Variants in MAP3K1 observed in about 807,000 individuals in gnomAD.
The protein encoded by MAP3K1 is mitogen-activated protein kinase kinase kinase 1, also known as MAP/ERK kinase kinase 1.
MAP3K1 carries 36 observed loss-of-function variants against 144.2 expected under a neutral mutation model. The observed-to-expected ratio is 0.25, with a 90% CI of 0.19 to 0.33. MAP3K1 has a LOEUF of 0.33. MAP3K1 is among the 10% of genes least tolerant of loss of function. MAP3K1 has a pLI of 1.00. For synonymous variants in MAP3K1, 718 were observed against 688.7 expected (o/e 1.04, Z -0.67); for missense variants, 1,650 against 1,881.9 (o/e 0.88, Z 2.28).
intron 18 of MAP3K1, 25 bp from the exon 19 acceptor site, chr5:56,888,201 C>T (rs994877413): frequency 2.5e-6 from 4 of 1,610,694 alleles, no homozygotes; most frequent in Middle Eastern, 1.7e-4. Context: ...AGTCCTATTT[C>T]CAAATTAACT....
Position 56,881,686 on chromosome 5 carries a change from C to G in MAP3K1, c.2486C>G (p.Thr829Arg), listed in dbSNP as rs1304106192. The G allele has an allele frequency of 6.2e-7, 1 of 1,613,986 alleles. No individual in the cohort carries two copies. The highest frequency in any genetic ancestry group is 1.7e-5 in the Admixed American group (1 of 60,010). Residue 829 changes from threonine (T) to arginine (R), a missense_variant, in exon 14 of 20, where the codon ACA becomes AGA. Transcript: ENST00000399503. ...TTGAGTTCTGCAAGAATGGTTACTA[C>G]AGTACCCCATGTGTTTTCAAAACTG... is the stretch of plus-strand genomic sequence containing the variant. ...IYLSSARMVT[T>R]VPHVFSKLLE...
intron 3 of MAP3K1, among the ~76,000 whole-genome samples, chr5:56,864,329 A>G (rs749805362): frequency 1.3e-5 from 2 of 151,774 alleles, no homozygotes; most frequent in Non-Finnish European, 2.9e-5. Flanking sequence ...TTTTCAGACT[A>G]TAATCTGCCA....
chr5:56,875,248 T>A lies in MAP3K1; in HGVS notation c.1903T>A (p.Cys635Ser), dbSNP rs2111921590. Residue 635 changes from cysteine (C) to serine (S), a missense_variant, in exon 10 of 20, where the codon TGC (cysteine) becomes AGC (serine). Transcript: ENST00000399503. Reference protein sequence around the residue: ...TSISGDVVEACCSVLSMVCAD... With the variant: ...TSISGDVVEASCSVLSMVCAD... ...TATCTCAGGAGATGTGGTGGAGGCATGCTGCAGCGTTCTGTCAATGGTCTG... is the reference window on the plus strand; with the variant it reads ...TATCTCAGGAGATGTGGTGGAGGCAAGCTGCAGCGTTCTGTCAATGGTCTG... 3 of 1,614,158 alleles carry A rather than the reference T, an allele frequency of 1.9e-6. No homozygotes were observed. Among genetic ancestry groups the A allele is most frequent in the Non-Finnish European group, 2.5e-6 (3 of 1,180,020 alleles).
chr5:56,834,240 C>G (rs1186899846), intron 1 of MAP3K1, among the ~76,000 whole-genome samples: 1 of 152,132 alleles, frequency 6.6e-6, no homozygotes, highest in Non-Finnish European at 1.5e-5. Context: ...ACATACTTTC[C>G]TATGTGTATG....
intron 6 of MAP3K1, among the ~76,000 whole-genome samples, chr5:56,867,897 C>A (rs1019854260): frequency 2.0e-5 from 3 of 152,106 alleles, no homozygotes; most frequent in African/African-American, 7.2e-5. Context: ...GCCCATGTTA[C>A]AAATGTCATG....
At chr5:56,854,306 G>A (rs374219541) in intron 1 of MAP3K1, among the ~76,000 whole-genome samples, 1 of 151,694 alleles carries the variant, frequency 6.6e-6, no homozygotes, top group South Asian at 2.1e-4. Context: ...GGTGGCACAT[G>A]CCTGTAATAC....
intron 1 of MAP3K1, among the ~76,000 whole-genome samples, chr5:56,839,735 A>G (rs1057289793): frequency 6.6e-6 from 1 of 152,120 alleles, no homozygotes; most frequent in African/African-American, 2.4e-5. Context: ...CGTTAGGTTC[A>G]TTGTCATGTC....
intron 16 of MAP3K1, among the ~76,000 whole-genome samples, chr5:56,885,229 T>G (rs748589336): frequency 2.0e-5 from 3 of 152,222 alleles, no homozygotes; most frequent in Non-Finnish European, 4.4e-5. Context: ...AGCATAAAGT[T>G]GAACCTTGTC....
intron 1 of MAP3K1, among the ~76,000 whole-genome samples, chr5:56,821,157 A>G (rs1210653664): frequency 6.6e-6 from 1 of 152,100 alleles, no homozygotes; most frequent in African/African-American, 2.4e-5. Context: ...GTCTTTATTT[A>G]CTCTATGGCA....
At chr5:56,862,323 C>T (rs1273644940) in intron 3 of MAP3K1, among the ~76,000 whole-genome samples, 3 of 152,194 alleles carry the variant, frequency 2.0e-5, no homozygotes, top group Admixed American at 2.0e-4. Flanking sequence ...ATTGTGTTTG[C>T]TAATGCCTTA....
At chr5:56,825,654 G>T (rs1214911905) in intron 1 of MAP3K1, among the ~76,000 whole-genome samples, 1 of 152,118 alleles carries the variant, frequency 6.6e-6, no homozygotes, top group Non-Finnish European at 1.5e-5. Flanking sequence ...CTCTTTAATT[G>T]CTGTGCTCTT....
intron 18 of MAP3K1, 66 bp from the exon 19 acceptor site, chr5:56,888,160 A>C: frequency 6.9e-7 from 1 of 1,446,760 alleles, no homozygotes; most frequent in South Asian, 1.1e-5. Context: ...TAGAATCTAT[A>C]ACTACAAAAT....
intron 1 of MAP3K1, among the ~76,000 whole-genome samples, chr5:56,833,112 C>T (rs111968853): frequency 0.059 from 8,933 of 152,228 alleles, 283 homozygotes; most frequent in East Asian, 0.12. Flanking sequence ...CCTTGTGATC[C>T]GCCTGCCTCA....
chr5:56,866,385 A>C (rs765215043), intron 6 of MAP3K1, among the ~76,000 whole-genome samples: 1 of 152,140 alleles, frequency 6.6e-6, no homozygotes, highest in Non-Finnish European at 1.5e-5. Context: ...AGGTGACAGA[A>C]CAAGACCCTG....
rs572337611 is a variant in MAP3K1, at chr5:56,863,426, T to C, written c.835-1308T>C. Among the ~76,000 whole-genome samples the C allele has an allele frequency of 8.5e-5, 13 of 152,362 alleles. No homozygotes were observed. In the East Asian group the frequency reaches 2.3e-3, roughly 27 times the overall value. ...TAATAGGTGATCTTTTATGACTGGCTTCTTTCACTTAGTATCATATTTTCA... is the reference window on the plus strand; with the variant it reads ...TAATAGGTGATCTTTTATGACTGGCCTCTTTCACTTAGTATCATATTTTCA... On this transcript the variant is annotated intron_variant, in intron 3 of 19. Transcript: ENST00000399503.
intron 1 of MAP3K1, among the ~76,000 whole-genome samples, chr5:56,834,227 T>C (rs1746577643): frequency 6.6e-6 from 1 of 152,232 alleles, no homozygotes; most frequent in Non-Finnish European, 1.5e-5. Context: ...CACTTGTTTA[T>C]TGACATACTT....
chr5:56,841,624 G>A (rs1579732444), intron 1 of MAP3K1, among the ~76,000 whole-genome samples: 2 of 152,200 alleles, frequency 1.3e-5, no homozygotes, highest in South Asian at 2.1e-4. Flanking sequence ...GGAATTTGTG[G>A]TCCTATTGAG....
Position 56,856,627 on chromosome 5 carries a change from C to G in MAP3K1, c.510C>G (p.Leu170=). Reference sequence around the variant, plus strand: ...GTGAGATGGAGAATAAAGAAACTCTCAAAGGGTTGCACAAGATGGATGATC... The same window carrying G: ...GTGAGATGGAGAATAAAGAAACTCTGAAAGGGTTGCACAAGATGGATGATC... The part of the protein sequence containing the change: ...AGREMENKET[L]KGLHKMDDRP... The change falls in exon 2 of 20, where the codon CTC becomes CTG. Residue 170 remains leucine, a synonymous_variant. Coordinates refer to ENST00000399503, the MANE Select transcript of MAP3K1 (RefSeq NM_005921.2). The G allele has an allele frequency of 6.2e-7, 1 of 1,613,840 alleles. No individual in the cohort carries two copies. Among genetic ancestry groups the G allele is most frequent in the Non-Finnish European group, 8.5e-7 (1 of 1,179,832 alleles).
At chr5:56,864,541 A>AT (rs1195579708) in intron 3 of MAP3K1, among the ~76,000 whole-genome samples, 193 bp from the exon 4 acceptor site, 4 of 151,962 alleles carry the variant, frequency 2.6e-5, no homozygotes, top group African/African-American at 9.7e-5. Flanking sequence ...CACCCAGCTG[A>AT]TTTTTTGTAT....
Sources: allele counts gnomAD v4.1 joint callset (sites outside exome capture counted in the v4.1 genomes callset), GRCh38; gene constraint gnomAD v4.1.1; transcripts MANE v1.5; gene names NCBI Gene and HGNC (gene_info 2026-07-23, HGNC 2026-07-21).